The following NTRK3 variants were observed in gnomAD, a reference collection of about 807,000 sequenced individuals.
The protein encoded by NTRK3 is neurotrophic receptor tyrosine kinase 3.
NTRK3 carries 24 observed loss-of-function variants against 91.7 expected under a neutral mutation model. The ratio of observed to expected loss-of-function variants is 0.26; its 90% CI spans 0.19 to 0.37. The LOEUF is 0.37. Among genes scored for constraint, NTRK3 ranks in the 10% least tolerant of loss-of-function variants. The pLI, the probability that NTRK3 is intolerant of heterozygous loss-of-function variation, is 1.00. For synonymous variants in NTRK3, 483 were observed against 404.0 expected (o/e 1.20, Z -2.34); for missense variants, 880 against 1,068.9 (o/e 0.82, Z 2.46).
chr15:87,993,066 TG>T (rs2075410532), intron 14 of NTRK3, among the ~76,000 whole-genome samples: 1 of 152,208 alleles, frequency 6.6e-6, no homozygotes, highest in African/African-American at 2.4e-5. Context: ...AAAATAACTC[TG>T]AGGTAAGGAA....
intron 13 of NTRK3, among the ~76,000 whole-genome samples, chr15:88,056,741 G>C (rs1205973989): frequency 6.6e-6 from 1 of 152,208 alleles, no homozygotes; most frequent in African/African-American, 2.4e-5. Context: ...CACTTTCTCA[G>C]TATCTCCCCA....
intron 3 of NTRK3, among the ~76,000 whole-genome samples, chr15:88,242,226 A>G (rs2052427990): frequency 6.6e-6 from 1 of 152,256 alleles, no homozygotes; most frequent in South Asian, 2.1e-4. Flanking sequence ...GCAGAGTGAC[A>G]GGGAAAGAAA....
exon 10 of NTRK3, chr15:88,135,386 C>A (rs1388363572): frequency 6.2e-7 from 1 of 1,613,718 alleles, no homozygotes; most frequent in Non-Finnish European, 8.5e-7. Context: ...AGGCTCACCA[C>A]ACGTGGGGGA....
intron 5 of NTRK3, among the ~76,000 whole-genome samples, chr15:88,157,263 G>A (rs554626085): frequency 1.3e-5 from 2 of 151,228 alleles, no homozygotes; most frequent in African/African-American, 2.4e-5. Context: ...ACCATACCAC[G>A]CACACATATT....
rs992914965 is a variant in NTRK3, at chr15:87,865,564, G to C, written c.*11371C>G. 3 of 216,890 alleles carry C rather than the reference G, an allele frequency of 1.4e-5. No individual in the cohort carries two copies. In the Admixed American group the frequency reaches 1.7e-4, roughly 13 times the overall value. 13.4% of individuals were successfully genotyped at this position (216,890 alleles called of 1,614,324 possible). ...CAAATGCTGGTCCTGGCATGAACAG[G>C]GTACCACTTAAAAATCATTATCCCT... On this transcript the variant is annotated 3_prime_UTR_variant, in exon 19 of 19. Coordinates refer to ENST00000394480, the Ensembl canonical transcript of NTRK3.
chr15:88,058,099 G>A (rs2045889065), intron 13 of NTRK3, among the ~76,000 whole-genome samples: 1 of 152,230 alleles, frequency 6.6e-6, no homozygotes, highest in African/African-American at 2.4e-5. Flanking sequence ...CTGGCAAGGG[G>A]AAGGCAAGAG....
chr15:88,015,684 C>T (rs1396064217), intron 14 of NTRK3, among the ~76,000 whole-genome samples: 2 of 152,166 alleles, frequency 1.3e-5, no homozygotes, highest in African/African-American at 2.4e-5. Flanking sequence ...CTCCCTCATG[C>T]GGGGATGATG....
rs192952762 is a variant in NTRK3 at position 88,235,943 on chromosome 15, G to A, written c.248+19963C>T. Among the ~76,000 whole-genome samples the A allele has an allele frequency of 8.5e-5, 13 of 152,220 alleles. No homozygotes were observed. The East Asian group carries it at 2.1e-3, about 25-fold the overall frequency. ...AGGCAAAGATACAAGGTCCTGTTTC[G>A]ATGAGTCACATAAATGTGTCTCTCC... On this transcript the variant is annotated intron_variant, in intron 3 of 18. Transcript: ENST00000394480. The surrounding 1 kb of genome is among the most constrained non-coding windows in gnomAD (Gnocchi z 5.2).
exon 19 of NTRK3, chr15:87,865,808 C>A (rs201774958): frequency 8.8e-6 from 2 of 228,302 alleles, no homozygotes; most frequent in East Asian, 1.3e-4. Flanking sequence ...AGTGACTAAG[C>A]CAAATAGATA....
chr15:88,104,639 C>T (rs2150910810), intron 13 of NTRK3, among the ~76,000 whole-genome samples: 1 of 152,300 alleles, frequency 6.6e-6, no homozygotes, highest in South Asian at 2.1e-4. Context: ...TGGCTGTCTG[C>T]CCTCTCCCAG....
chr15:88,091,404 A>G lies in NTRK3; in HGVS notation c.1396+34867T>C, dbSNP rs561631004. ...TTAAATGACAGTTCAAAAATACAAA[A>G]CTCATACTACTTTTACCTTCACTTA... On this transcript the variant is annotated intron_variant, in intron 13 of 18. Transcript: ENST00000394480. Among the ~76,000 whole-genome samples the G allele has an allele frequency of 3.1e-3, 470 of 152,080 alleles. 8 individuals are homozygous for G. Among genetic ancestry groups the G allele is most frequent in the Non-Finnish European group, 2.4e-3 (163 of 67,980 alleles).
At chr15:88,064,440 C>G (rs960956222) in intron 13 of NTRK3, among the ~76,000 whole-genome samples, 2 of 152,240 alleles carry the variant, frequency 1.3e-5, no homozygotes, top group African/African-American at 2.4e-5. Context: ...CCTCCACATT[C>G]TCTACTGTTG....
At chr15:88,075,742 C>T (rs1465070087) in intron 13 of NTRK3, among the ~76,000 whole-genome samples, 2 of 152,196 alleles carry the variant, frequency 1.3e-5, no homozygotes, top group Admixed American at 6.5e-5. Context: ...ACAGTAGATA[C>T]TGTTTTGTAG....
intron 14 of NTRK3, among the ~76,000 whole-genome samples, chr15:87,974,718 C>T (rs1476463105): frequency 6.6e-6 from 1 of 152,194 alleles, no homozygotes; most frequent in Admixed American, 6.5e-5. Context: ...TGCTTTCATA[C>T]ACCCCCAAGT....
At chr15:88,121,308 TG>T (rs1327557784) in intron 13 of NTRK3, among the ~76,000 whole-genome samples, 4 of 152,176 alleles carry the variant, frequency 2.6e-5, no homozygotes, top group African/African-American at 9.7e-5. Context: ...ACTATGGATG[TG>T]GACAGTGTGC....
chr15:88,231,171 A>G (rs2051148854), intron 3 of NTRK3, among the ~76,000 whole-genome samples: 4 of 152,176 alleles, frequency 2.6e-5, no homozygotes, highest in Admixed American at 2.6e-4. Context: ...TTTCCTGCTA[A>G]AGGCAGCATT....
intron 18 of NTRK3, among the ~76,000 whole-genome samples, chr15:87,880,003 A>G (rs1011600236): frequency 6.6e-6 from 1 of 152,154 alleles, no homozygotes; most frequent in African/African-American, 2.4e-5. Flanking sequence ...AACATTTGTG[A>G]TTTTTAAGGG....
At chr15:88,057,168 C>CAAAAAAAAA (rs547432747) in intron 13 of NTRK3, among the ~76,000 whole-genome samples, 1 of 59,144 alleles carries the variant, frequency 1.7e-5, no homozygotes, top group Non-Finnish European at 3.4e-5. Flanking sequence ...AACTCCGTCT[C>CAAAAAAAAA]AAAAAAAAAA....
At position 88,241,050 on chromosome 15, in the gene NTRK3, C is replaced by T. The variant is rs887662678; in HGVS notation, c.248+14856G>A. Among the ~76,000 whole-genome samples, 2 of 152,156 alleles carry T rather than the reference C, an allele frequency of 1.3e-5. No individual in the cohort carries two copies. Among genetic ancestry groups the T allele is most frequent in the East Asian group, 1.9e-4 (1 of 5,174 alleles). ...ACTGAACACCTACTAGGTGGGGGCT[C>T]TTGGGGACAGAGCTGAATAAGCCTC... On this transcript the variant is annotated intron_variant, in intron 3 of 18. Coordinates refer to ENST00000394480, the Ensembl canonical transcript of NTRK3. The surrounding 1 kb of genome is among the most constrained non-coding windows in gnomAD (Gnocchi z 4.3).
Sources: gnomAD v4.1 joint callset for allele counts (sites outside exome capture counted in the v4.1 genomes callset) on GRCh38, gnomAD v4.1.1 for gene constraint, Gnocchi (gnomAD v3.1) non-coding constraint, MANE v1.5 for transcripts, NCBI Gene and HGNC (gene_info 2026-07-23, HGNC 2026-07-21) for gene names.